HSPG2: variants seen among roughly 807,000 people sequenced by gnomAD.
HSPG2 encodes the protein basement membrane-specific heparan sulfate proteoglycan core protein.
HSPG2 carries 278 observed loss-of-function variants against 526.6 expected under a neutral mutation model. The ratio of observed to expected loss-of-function variants is 0.53; its 90% confidence interval spans 0.48 to 0.58. The LOEUF (loss-of-function observed/expected upper bound fraction) is 0.58, where lower values mean the gene tolerates loss of function less well. HSPG2 is among the 20% of genes least tolerant of loss of function. The pLI is 0.00. For synonymous variants in HSPG2, 2,465 were observed against 2,555.4 expected (o/e 0.96, Z 1.07); for missense variants, 5,354 against 6,099.5 (o/e 0.88, Z 4.07).
chr1:21,879,976 A>C, intron 17 of HSPG2, 131 bp downstream of exon 17: 1 of 1,082,460 alleles, frequency 9.2e-7, no homozygotes, highest in Non-Finnish European at 1.4e-6. Flanking sequence ...TTGCATCCAG[A>C]GGTCATGATA....
chr1:21,897,457 C>T (rs1419637217), intron 1 of HSPG2, among the ~76,000 whole-genome samples: 1 of 152,182 alleles, frequency 6.6e-6, no homozygotes, highest in Non-Finnish European at 1.5e-5. Context: ...CCCTTCCCTC[C>T]CCACCCCTAC....
At chr1:21,851,523 C>T (rs776266667) in intron 55 of HSPG2, 23 bp downstream of exon 55, 1 of 1,613,306 alleles carries the variant, frequency 6.2e-7, no homozygotes, top group East Asian at 2.2e-5. Context: ...TCTTCTTGGC[C>T]TGTCTGTCCT....
chr1:21,871,483 A>C (rs1286227651), intron 33 of HSPG2, among the ~76,000 whole-genome samples: 3 of 151,928 alleles, frequency 2.0e-5, no homozygotes, highest in African/African-American at 4.8e-5. Context: ...GCTGGTCTCA[A>C]ACTCCTGAGC....
chr1:21,843,896 A>G (rs1318960801), intron 65 of HSPG2, among the ~76,000 whole-genome samples: 2 of 152,128 alleles, frequency 1.3e-5, no homozygotes, highest in Non-Finnish European at 2.9e-5. Flanking sequence ...TCGGCCTCCC[A>G]AAGTGCTGGG....
intron 50 of HSPG2, among the ~76,000 whole-genome samples, chr1:21,853,366 C>T (rs12032063): frequency 6.6e-6 from 1 of 152,130 alleles, no homozygotes; most frequent in Non-Finnish European, 1.5e-5. Context: ...CCCAAGGATG[C>T]GGATGACAGT....
intron 74 of HSPG2, 145 bp downstream of exon 74, chr1:21,838,680 C>T: frequency 1.2e-6 from 1 of 835,892 alleles, no homozygotes; most frequent in Non-Finnish European, 1.9e-6. Flanking sequence ...GGCAAGCCTG[C>T]CTCGGGCCCT....
rs1557664217 is a variant in HSPG2, at chr1:21,824,402, GGGT to G, written c.12745-29_12745-27del. On this transcript the variant is annotated intron_variant, in intron 93 of 96. Transcript: ENST00000374695. The surrounding 1 kb of genome is among the most constrained non-coding windows in gnomAD (Gnocchi z 5.9). ...CTGCCAGGGAAGCACAGGGTCTCTGGGGTCCCCAGCCTGGAGAGCAGAGGCTGC... is the reference window on the plus strand; with the variant it reads ...CTGCCAGGGAAGCACAGGGTCTCTGGCCCCAGCCTGGAGAGCAGAGGCTGC... The G allele has an allele frequency of 6.2e-7, 1 of 1,613,034 alleles. No homozygotes were observed. The highest frequency in any genetic ancestry group is 8.5e-7 in the Non-Finnish European group (1 of 1,179,468).
chr1:21,898,428 G>A lies in HSPG2; in HGVS notation c.64-2118C>T, dbSNP rs1387073148. 3.3e-5 allele frequency among the ~76,000 whole-genome samples: 5 copies of A among 152,314 alleles called. No homozygotes were observed. Among genetic ancestry groups the A allele is most frequent in the Middle Eastern group, 3.4e-3 (1 of 294 alleles). ...GCCTGTGGACTTCTAGGCTGTGCCCGTGGGATGCGCATTCAGGAGTGTGCT... is the reference window on the plus strand; with the variant it reads ...GCCTGTGGACTTCTAGGCTGTGCCCATGGGATGCGCATTCAGGAGTGTGCT... On this transcript the variant is annotated intron_variant, in intron 1 of 96. Transcript: ENST00000374695. The surrounding 1 kb of genome is among the most constrained non-coding windows in gnomAD (Gnocchi z 4.0).
In HSPG2 at chr1:21,881,357, T is replaced by C; in HGVS notation, c.1800A>G (p.Glu600=). ...CCCTCACCTTGTTGCCCAGGAACTG[T>C]TCAGGCAGAGCCCAGAAGGAGTCGT... The part of the protein sequence containing the change: ...LVHDSFWALP[E]QFLGNKVDSY... Residue 600 remains glutamate, a synonymous_variant, in exon 14 of 97, where the codon GAA becomes GAG. Coordinates refer to ENST00000374695, the MANE Select transcript of HSPG2 (RefSeq NM_005529.7). The C allele has an allele frequency of 6.2e-7, 1 of 1,614,016 alleles. No homozygotes were observed. The highest frequency in any genetic ancestry group is 8.5e-7 in the Non-Finnish European group (1 of 1,179,948).
Position 21,828,114 on chromosome 1 carries a change from G to A in HSPG2, c.12448C>T (p.Arg4150Cys), listed in dbSNP as rs779115971. ...GTGCCCCCATGCAGACAGGGTTCAC[G>A]GAGCTGGCAGGGGTTCTCCTCGTGC... Reference protein sequence around the residue: ...CEHEENPCQLREPCLHGGTCQ... With the variant: ...CEHEENPCQLCEPCLHGGTCQ... The change falls in exon 90 of 97, where the codon CGT becomes TGT. Residue 4150 changes from arginine to cysteine, a missense_variant. Arg to Cys is a radical substitution (Grantham distance 180). Transcript: ENST00000374695. This position sits in a 1 kb window ranked among gnomAD's most constrained non-coding sequence, Gnocchi z 6.0. 41 of 1,613,032 alleles carry A rather than the reference G, an allele frequency of 2.5e-5. No homozygotes were observed. Among genetic ancestry groups the A allele is most frequent in the East Asian group, 4.5e-5 (2 of 44,874 alleles).
At chr1:21,830,690 C>CAAA (rs145627267) in intron 85 of HSPG2, 1,138 of 107,682 alleles carry the variant, frequency 0.011, no homozygotes, top group East Asian at 0.016. Flanking sequence ...AACTTCGTCT[C>CAAA]AAAAAAAAAA....
At chr1:21,856,368 C>T (rs1411206860) in intron 44 of HSPG2, among the ~76,000 whole-genome samples, 1 of 152,168 alleles carries the variant, frequency 6.6e-6, no homozygotes, top group East Asian at 1.9e-4. Context: ...TCAGAGAGGC[C>T]CTCCCTGACT....
intron 50 of HSPG2, 57 bp downstream of exon 50, chr1:21,854,136 A>C: frequency 6.6e-7 from 1 of 1,506,646 alleles, no homozygotes; most frequent in Admixed American, 2.1e-5. Flanking sequence ...AGCCACAGGC[A>C]TCTTCCTTGG....
At chr1:21,884,469 C>G (rs1024521778) in intron 13 of HSPG2, 59 bp downstream of exon 13, 1 of 1,594,462 alleles carries the variant, frequency 6.3e-7, no homozygotes, top group Non-Finnish European at 8.6e-7. Context: ...TCTGTGCCCC[C>G]TGGGTACAGA....
chr1:21,925,647 C>G (rs1300829605), intron 1 of HSPG2, among the ~76,000 whole-genome samples: 1 of 152,186 alleles, frequency 6.6e-6, no homozygotes, highest in Non-Finnish European at 1.5e-5. Context: ...GAAGCAGGAA[C>G]TGGCAAAGCC....
At chr1:21,924,807 G>A (rs1285396388) in intron 1 of HSPG2, among the ~76,000 whole-genome samples, 1 of 152,132 alleles carries the variant, frequency 6.6e-6, no homozygotes, top group Non-Finnish European at 1.5e-5. Flanking sequence ...TGTGAGTCCA[G>A]GGACAATGGG....
chr1:21,846,507 G>A lies in HSPG2; in HGVS notation c.8257C>T (p.Gln2753Ter). The A allele has an allele frequency of 1.2e-6, 2 of 1,613,766 alleles. No homozygotes were observed. Among genetic ancestry groups the A allele is most frequent in the Non-Finnish European group, 1.7e-6 (2 of 1,180,034 alleles). The change falls in exon 63 of 97, where the codon CAG (glutamine) becomes TAG (stop). Residue 2753 changes from glutamine to a stop codon, truncating the protein, a stop_gained. Coordinates refer to ENST00000374695, the MANE Select transcript of HSPG2 (RefSeq NM_005529.7). LOFTEE classifies it high-confidence loss of function. ...TGCCAAGTGACCTGGGCATGGGCCT[G>A]CCCGGGGACCACGCAGTTCAGATCC... ...TLDLNCVVPG[Q>*]AHAQVTWHKR...
intron 1 of HSPG2, among the ~76,000 whole-genome samples, chr1:21,932,374 C>A (rs920088126): frequency 1.3e-5 from 2 of 152,212 alleles, no homozygotes; most frequent in African/African-American, 4.8e-5. Context: ...GGGCAAGTTA[C>A]GTAACCTCTC....
chr1:21,865,774 G>A lies in HSPG2; in HGVS notation c.4257C>T (p.Leu1419=). Residue 1419 remains leucine (L), a synonymous_variant, in exon 34 of 97, where the codon CTC becomes CTT. Transcript: ENST00000374695. This position sits in a 1 kb window ranked among gnomAD's most constrained non-coding sequence, Gnocchi z 5.4. ...AAYGGKLRYT[L]SYTAGPQGSP... ...TGCCCTGTGGGCCTGCTGTGTAGGA[G>A]AGGGTGTATCGCAACTTCCCACCGT... 2 of 1,613,864 alleles carry A rather than the reference G, an allele frequency of 1.2e-6. No homozygotes were observed. The highest frequency in any genetic ancestry group is 1.7e-6 in the Non-Finnish European group (2 of 1,179,986).
Sources: allele counts gnomAD v4.1 joint callset (sites outside exome capture counted in the v4.1 genomes callset), GRCh38; gene constraint gnomAD v4.1.1; non-coding constraint Gnocchi (gnomAD v3.1); transcripts MANE v1.5; gene names NCBI Gene and HGNC (gene_info 2026-07-23, HGNC 2026-07-21).